Variants in KCNB2 observed in about 807,000 individuals in gnomAD.
KCNB2 encodes the protein delayed rectifier potassium channel protein.
Under a neutral mutation model 61.5 loss-of-function variants are expected in KCNB2, and 15 were observed. The observed-to-expected ratio is 0.24, with a 90% CI of 0.16 to 0.38. KCNB2 has a LOEUF of 0.38. Ranked by LOEUF, KCNB2 falls within the 10% of genes least tolerant of loss-of-function variation. KCNB2 has a pLI of 1.00. For missense variants in KCNB2, 828 were observed against 1,125.2 expected, an observed-to-expected ratio of 0.74 and a Z score of 3.78; for synonymous variants, 457 against 446.0, an observed-to-expected ratio of 1.02 and a Z score of -0.31.
chr8:72,545,992 C>T (rs537974784), intron 1 of KCNB2, among the ~76,000 whole-genome samples: 1 of 152,136 alleles, frequency 6.6e-6, no homozygotes. Flanking sequence ...CTCTTCAATT[C>T]CATGAAGGCT....
intron 2 of KCNB2, among the ~76,000 whole-genome samples, chr8:72,907,290 G>T (rs949926091): frequency 6.6e-6 from 1 of 152,098 alleles, no homozygotes; most frequent in Non-Finnish European, 1.5e-5. Context: ...CCAGGAAGCA[G>T]ATGTTGCAGT....
intron 2 of KCNB2, among the ~76,000 whole-genome samples, chr8:72,664,720 C>A (rs1041045359): frequency 3.3e-5 from 5 of 152,150 alleles, no homozygotes; most frequent in Non-Finnish European, 1.5e-5. Flanking sequence ...AAACAAAAAT[C>A]CCTACCCACC....
intron 2 of KCNB2, among the ~76,000 whole-genome samples, chr8:72,624,124 C>A (rs531875595): frequency 6.6e-6 from 1 of 152,184 alleles, no homozygotes; most frequent in South Asian, 2.1e-4. Context: ...TCAATCAAAT[C>A]TCTATAATGT....
At chr8:72,805,807 A>G (rs1809209892) in intron 2 of KCNB2, among the ~76,000 whole-genome samples, 1 of 152,196 alleles carries the variant, frequency 6.6e-6, no homozygotes, top group Non-Finnish European at 1.5e-5. Context: ...GTTTGTTGGC[A>G]TAAAACCTGC....
intron 2 of KCNB2, among the ~76,000 whole-genome samples, chr8:72,888,652 G>A (rs1032246582): frequency 6.6e-6 from 1 of 152,108 alleles, no homozygotes; most frequent in African/African-American, 2.4e-5. Context: ...CATCATTAAA[G>A]CCTGACTTGA....
At chr8:72,740,423 A>G (rs1428428912) in intron 2 of KCNB2, among the ~76,000 whole-genome samples, 3 of 152,180 alleles carry the variant, frequency 2.0e-5, no homozygotes, top group Non-Finnish European at 4.4e-5. Context: ...GTTCTTCAAT[A>G]AGAAATTGAG....
chr8:72,841,660 G>C (rs978616662), intron 2 of KCNB2, among the ~76,000 whole-genome samples: 2 of 152,122 alleles, frequency 1.3e-5, no homozygotes, highest in Non-Finnish European at 2.9e-5. Context: ...TCCCTCGTAA[G>C]TTGTATTCCT....
chr8:72,572,917 G>T (rs1585759345), intron 2 of KCNB2, among the ~76,000 whole-genome samples: 1 of 152,072 alleles, frequency 6.6e-6, no homozygotes, highest in South Asian at 2.1e-4. Flanking sequence ...GTCCATTGTC[G>T]TTGGCATGGT....
chr8:72,896,816 A>G (rs1444500437), intron 2 of KCNB2, among the ~76,000 whole-genome samples: 1 of 152,190 alleles, frequency 6.6e-6, no homozygotes, highest in African/African-American at 2.4e-5. Context: ...AGAAAAAGTC[A>G]AGAAATGAGT....
chr8:72,840,788 A>C (rs990600118), intron 2 of KCNB2, among the ~76,000 whole-genome samples: 1 of 151,850 alleles, frequency 6.6e-6, no homozygotes, highest in Non-Finnish European at 1.5e-5. Context: ...AGTTCCTTGT[A>C]GATTCTGGAT....
intron 2 of KCNB2, among the ~76,000 whole-genome samples, chr8:72,688,308 A>G (rs1806887229): frequency 6.6e-6 from 1 of 152,120 alleles, no homozygotes; most frequent in South Asian, 2.1e-4. Context: ...CTGAGTTTGC[A>G]TGCATTGCTG....
rs941092624 is a variant in KCNB2 at position 72,938,152 on chromosome 8, A to T, written c.*61A>T. 13 of 1,390,078 alleles carry T rather than the reference A, an allele frequency of 9.4e-6. No individual in the cohort carries two copies. The African/African-American group carries it at 1.9e-4, about 20-fold the overall frequency. 86.1% of individuals were successfully genotyped at this position (1,390,078 alleles called of 1,614,324 possible). A position where few individuals can be genotyped will look rare whatever the true frequency, so the allele number is the denominator to read the frequency against. On this transcript the variant is annotated 3_prime_UTR_variant, in exon 3 of 3. Coordinates refer to ENST00000523207, the MANE Select transcript of KCNB2 (RefSeq NM_004770.3). Reference sequence around the variant, plus strand: ...ACAAAACAAAACTTGTTTCTTAAAAATGCGGTTAATAATGCCTGTGAACTA... The same window carrying T: ...ACAAAACAAAACTTGTTTCTTAAAATTGCGGTTAATAATGCCTGTGAACTA...
intron 2 of KCNB2, among the ~76,000 whole-genome samples, chr8:72,697,019 A>C (rs1247968921): frequency 6.6e-6 from 1 of 152,210 alleles, no homozygotes; most frequent in Non-Finnish European, 1.5e-5. Context: ...TATCGATCAC[A>C]GCAAATTACT....
chr8:72,898,326 A>G (rs1399904521), intron 2 of KCNB2, among the ~76,000 whole-genome samples: 2 of 152,066 alleles, frequency 1.3e-5, no homozygotes. Context: ...TAGCATTAGG[A>G]GATATACCTA....
At chr8:72,920,463 ATC>A (rs1806494857) in intron 2 of KCNB2, among the ~76,000 whole-genome samples, 3 of 84,400 alleles carry the variant, frequency 3.6e-5, no homozygotes, top group South Asian at 3.7e-4. Flanking sequence ...CTATCTATCT[ATC>A]TATCTATCTA....
intron 2 of KCNB2, among the ~76,000 whole-genome samples, chr8:72,621,580 A>C (rs538305467): frequency 6.6e-6 from 1 of 152,244 alleles, no homozygotes; most frequent in African/African-American, 2.4e-5. Flanking sequence ...TAGTAGGTGT[A>C]TATAGTTATA....
intron 2 of KCNB2, among the ~76,000 whole-genome samples, chr8:72,833,616 C>T (rs1247053796): frequency 6.6e-6 from 1 of 152,080 alleles, no homozygotes; most frequent in East Asian, 1.9e-4. Context: ...AAACTAATGG[C>T]ATCTTTAGGA....
chr8:72,808,376 C>T lies in KCNB2; in HGVS notation c.580-127559C>T, dbSNP rs112507274. On this transcript the variant is annotated intron_variant, in intron 2 of 2. Transcript: ENST00000523207. ...CTTTAGATTTTTAGATGACAACATA[C>T]GAATGAACTACTAAATGATCTGTTT... 5.0e-3 allele frequency among the ~76,000 whole-genome samples: 756 copies of T among 152,220 alleles called. 6 individuals are homozygous for T. Among genetic ancestry groups the T allele is most frequent in the South Asian group, 0.015 (72 of 4,824 alleles).
chr8:72,606,800 T>C (rs16938255), intron 2 of KCNB2, among the ~76,000 whole-genome samples: 4,274 of 152,214 alleles, frequency 0.028, 83 homozygotes, highest in South Asian at 0.081. Flanking sequence ...TGAGGTCTGC[T>C]TGCTGAGGGA....
Sources: allele counts gnomAD v4.1 joint callset (sites outside exome capture counted in the v4.1 genomes callset), GRCh38; gene constraint gnomAD v4.1.1; transcripts MANE v1.5; gene names NCBI Gene and HGNC (gene_info 2026-07-23, HGNC 2026-07-21).